Variants in MTERF4 observed in about 807,000 individuals in gnomAD.
MTERF4 encodes the protein transcription termination factor 4, mitochondrial.
Under a neutral mutation model 22.5 loss-of-function variants are expected in MTERF4, and 17 were observed. The observed-to-expected ratio is 0.75, with a 90% CI of 0.52 to 1.13. The LOEUF is 1.13. Ranked by LOEUF, MTERF4 falls within the 50% of genes most tolerant of loss-of-function variation. The pLI is 0.00. For missense variants in MTERF4, 420 were observed against 466.8 expected, an observed-to-expected ratio of 0.90 and a Z score of 0.92; for synonymous variants, 165 against 175.3, an observed-to-expected ratio of 0.94 and a Z score of 0.47.
chr2:241,083,695 T>TC (rs1448363478), downstream of MTERF4, among the ~76,000 whole-genome samples: 2 of 152,206 alleles, frequency 1.3e-5, no homozygotes, highest in Admixed American at 1.3e-4. Context: ...CCACCAAGTA[T>TC]CCAACAAGAA....
chr2:241,082,336 G>A, downstream of MTERF4: 1 of 1,613,590 alleles, frequency 6.2e-7, no homozygotes, highest in Non-Finnish European at 8.5e-7. Flanking sequence ...GGCCTTTCCA[G>A]TCTGGGAGGG....
chr2:241,096,597 G>A lies in MTERF4; in HGVS notation c.706-159C>T. On this transcript the variant is annotated intron_variant, in intron 3 of 3. Transcript: ENST00000391980. This position sits in a 1 kb window ranked among gnomAD's most constrained non-coding sequence, Gnocchi z 5.1. ...CTAGGATACTGACATTTGTGTGACA[G>A]CCAGCAGTTTCAAAACACTTTCAAA... is the stretch of plus-strand genomic sequence containing the variant. 1.2e-6 allele frequency: 1 copy of A among 805,514 alleles called. No homozygotes were observed. Among genetic ancestry groups the A allele is most frequent in the Non-Finnish European group, 2.1e-6 (1 of 465,624 alleles). The allele number at this position is 805,514 out of a possible 1,614,324, so 49.9% of individuals were successfully genotyped here. A position where few individuals can be genotyped will look rare whatever the true frequency, so the allele number is the denominator to read the frequency against.
the MTERF4 span, chr2:241,065,155 G>A: frequency 4.4e-5 from 39 of 891,604 alleles, no homozygotes; most frequent in Middle Eastern, 4.5e-4. Context: ...CTGGAGGTAC[G>A]TGGCCAGGGA....
the MTERF4 span, chr2:241,064,838 C>T: frequency 3.2e-6 from 5 of 1,577,992 alleles, no homozygotes; most frequent in Non-Finnish European, 4.3e-6. The surrounding 1 kb of genome is among the most constrained non-coding windows in gnomAD (Gnocchi z 7.0). Context: ...CTTTTTCTCC[C>T]CTCAGTGAGT....
chr2:241,095,791 T>A lies in MTERF4; in HGVS notation c.*207A>T. The A allele has an allele frequency of 3.4e-6, 3 of 877,144 alleles. No homozygotes were observed. Among genetic ancestry groups the A allele is most frequent in the Non-Finnish European group, 5.2e-6 (3 of 578,824 alleles). 54.3% of individuals were successfully genotyped at this position (877,144 alleles called of 1,614,324 possible). A position where few individuals can be genotyped will look rare whatever the true frequency, so the allele number is the denominator to read the frequency against. On this transcript the variant is annotated 3_prime_UTR_variant, in exon 4 of 4. Coordinates refer to ENST00000391980, the MANE Select transcript of MTERF4 (RefSeq NM_182501.4). ...GGACAGGGCCCTCCCCACAGACACG[T>A]GACAACAGATCAAACATGCATTTCC... is the stretch of plus-strand genomic sequence containing the variant.
intron 4 of MTERF4, chr2:241,081,640 G>A (rs1012936423): frequency 1.4e-6 from 2 of 1,471,056 alleles, no homozygotes; most frequent in Non-Finnish European, 1.9e-6. Flanking sequence ...CTGTCCTGGG[G>A]TTCCAGTGAC....
chr2:241,066,637 G>A, the MTERF4 span, among the ~76,000 whole-genome samples: 1 of 147,932 alleles, frequency 6.8e-6, no homozygotes, highest in Non-Finnish European at 1.5e-5. Context: ...TGGATGGATG[G>A]GTGGGTGGGT....
At chr2:241,084,061 T>C (rs774918968), downstream of MTERF4, among the ~76,000 whole-genome samples, 1 of 152,096 alleles carries the variant, frequency 6.6e-6, no homozygotes, top group Non-Finnish European at 1.5e-5. Flanking sequence ...GGATTTGCCA[T>C]ACACATCTTC....
At chr2:241,057,160 C>T in the MTERF4 span, among the ~76,000 whole-genome samples, 35 of 151,636 alleles carry the variant, frequency 2.3e-4, 1 homozygote, top group Admixed American at 2.0e-3. Flanking sequence ...GGGAGGATCA[C>T]CTGAGGTCAG....
chr2:241,055,571 CTT>C, the MTERF4 span, among the ~76,000 whole-genome samples: 1 of 152,212 alleles, frequency 6.6e-6, no homozygotes, highest in African/African-American at 2.4e-5. Flanking sequence ...GAAATCCTAT[CTT>C]TTCACCTATT....
At chr2:241,101,190 G>A (rs993757905) in intron 1 of MTERF4, 3 of 467,104 alleles carry the variant, frequency 6.4e-6, no homozygotes, top group Non-Finnish European at 1.3e-5. Context: ...TGGGAGCCCT[G>A]AGCTTGTTTT....
chr2:241,089,585 A>G (rs1222456157), downstream of MTERF4, among the ~76,000 whole-genome samples: 1 of 152,202 alleles, frequency 6.6e-6, no homozygotes, highest in East Asian at 1.9e-4. Context: ...AAGTCTCTCC[A>G]TAAGAGAGTA....
At chr2:241,082,709 C>T (rs971440490), downstream of MTERF4, among the ~76,000 whole-genome samples, 18 of 152,224 alleles carry the variant, frequency 1.2e-4, no homozygotes, top group Non-Finnish European at 1.6e-4. Flanking sequence ...CTCAGAGCCC[C>T]CTGGAAAAAC....
the MTERF4 span, among the ~76,000 whole-genome samples, chr2:241,052,667 TGCCAGGCAG>T: frequency 4.0e-3 from 236 of 58,886 alleles, 33 homozygotes; most frequent in East Asian, 0.054. Flanking sequence ...GGGACACCGG[TGCCAGGCAG>T]GTGAGAGGGT....
chr2:241,096,006 C>T lies in MTERF4; in HGVS notation c.1138G>A (p.Glu380Lys), dbSNP rs2064384834. 1.2e-6 allele frequency: 2 copies of T among 1,613,804 alleles called. No individual in the cohort carries two copies. The highest frequency in any genetic ancestry group is 4.5e-5 in the East Asian group (2 of 44,884). Residue 380 changes from glutamate to lysine, a missense_variant, in exon 4 of 4, where the codon GAG becomes AAG. Physicochemically the swap from Glu to Lys is moderately conservative, Grantham distance 56. Transcript: ENST00000391980. The surrounding 1 kb of genome is among the most constrained non-coding windows in gnomAD (Gnocchi z 5.1). ...DNDEDEDDDE[E>K]E is the part of the protein sequence containing the mutation. ...TAGTCCTTCCATCACAGCTATTCCT[C>T]CTCGTCGTCGTCCTCATCCTCATCA...
the MTERF4 span, chr2:241,064,200 C>T: frequency 2.7e-5 from 28 of 1,023,460 alleles, no homozygotes; most frequent in South Asian, 4.4e-4. The surrounding 1 kb of genome is among the most constrained non-coding windows in gnomAD (Gnocchi z 7.0). Context: ...GCTGCCCGCC[C>T]TCTGCCCGCC....
At chr2:241,091,054 A>G (rs1001235208), downstream of MTERF4, among the ~76,000 whole-genome samples, 11 of 152,190 alleles carry the variant, frequency 7.2e-5, no homozygotes, top group Admixed American at 5.9e-4. This position sits in a 1 kb window ranked among gnomAD's most constrained non-coding sequence, Gnocchi z 4.1. Context: ...CACCTGAAAT[A>G]TTAATGTATC....
At chr2:241,091,923 T>C (rs1400308356), downstream of MTERF4, 2 of 152,324 alleles carry the variant, frequency 1.3e-5, no homozygotes, top group Non-Finnish European at 2.9e-5. The surrounding 1 kb of genome is among the most constrained non-coding windows in gnomAD (Gnocchi z 4.1). Flanking sequence ...AGGTGTAGTC[T>C]GTGTCTCTGC....
chr2:241,082,441 C>A, downstream of MTERF4: 1 of 1,090,784 alleles, frequency 9.2e-7, no homozygotes. Flanking sequence ...CTCAAAGCTA[C>A]CCAGCTAACC....
Sources: gnomAD v4.1 joint callset for allele counts (sites outside exome capture counted in the v4.1 genomes callset) on GRCh38, gnomAD v4.1.1 for gene constraint, Gnocchi (gnomAD v3.1) non-coding constraint, MANE v1.5 for transcripts, NCBI Gene and HGNC (gene_info 2026-07-23, HGNC 2026-07-21) for gene names.